MRTFB: variants seen among roughly 807,000 people sequenced by gnomAD.
The protein encoded by MRTFB is myocardin related transcription factor B, also known as myocardin-related transcription factor B.
In MRTFB, 29 loss-of-function variants were observed where a neutral mutation model predicts 104.2. That is an observed-to-expected ratio of 0.28 (90% confidence interval 0.21 to 0.38). The LOEUF is 0.38. Among genes scored for constraint, MRTFB ranks in the 10% least tolerant of loss-of-function variants. MRTFB has a pLI of 1.00. For missense variants in MRTFB, 1,270 were observed against 1,341.6 expected (o/e 0.95, Z 0.83); for synonymous variants, 535 against 519.5 (o/e 1.03, Z -0.41).
chr16:14,042,429 G>A, the MRTFB span, among the ~76,000 whole-genome samples: 1 of 152,242 alleles, frequency 6.6e-6, no homozygotes, highest in East Asian at 1.9e-4. Context: ...TGGCCACTGG[G>A]TTTGTTTTCT....
intron 8 of MRTFB, among the ~76,000 whole-genome samples, chr16:14,230,741 T>C (rs1274527956): frequency 6.6e-6 from 1 of 152,290 alleles, no homozygotes; most frequent in East Asian, 1.9e-4. Flanking sequence ...CTCAGGGATC[T>C]AGAACTAGAA....
intron 2 of MRTFB, among the ~76,000 whole-genome samples, chr16:14,103,305 G>A (rs2054188629): frequency 6.6e-6 from 1 of 152,132 alleles, no homozygotes. Flanking sequence ...AAATTTTATT[G>A]AATAGGAAGC....
rs186255402 is a variant in MRTFB at position 14,260,575 on chromosome 16, C to T, written c.2765-334C>T. ...ATAATCTAAAACCATTGATACCTATCTAGTGAGATATAACTGCTTTTAATG... is the reference window on the plus strand; with the variant it reads ...ATAATCTAAAACCATTGATACCTATTTAGTGAGATATAACTGCTTTTAATG... On this transcript the variant is annotated intron_variant, in intron 16 of 16. Coordinates refer to ENST00000571589, the MANE Select transcript of MRTFB (RefSeq NM_001308142.2). Among the ~76,000 whole-genome samples the T allele has an allele frequency of 1.2e-3, 180 of 152,238 alleles. 2 individuals carry two copies. The highest frequency in any genetic ancestry group is 4.2e-3 in the African/African-American group (173 of 41,552).
At chr16:14,131,174 A>G (rs1368987978) in intron 2 of MRTFB, among the ~76,000 whole-genome samples, 1 of 152,182 alleles carries the variant, frequency 6.6e-6, no homozygotes, top group Non-Finnish European at 1.5e-5. Flanking sequence ...CCAAAACATG[A>G]ACTCTGAACT....
chr16:14,232,534 A>C (rs2042311828), intron 8 of MRTFB, among the ~76,000 whole-genome samples: 1 of 152,170 alleles, frequency 6.6e-6, no homozygotes, highest in South Asian at 2.1e-4. Flanking sequence ...TTAAAAATGA[A>C]ATTGAATGCA....
At chr16:14,017,687 G>GTATATATATATATATATATATATATA in the MRTFB span, among the ~76,000 whole-genome samples, 1 of 6,808 alleles carries the variant, frequency 1.5e-4, no homozygotes, top group Non-Finnish European at 4.8e-4. Flanking sequence ...GTGTGTGTGT[G>GTATATATATATATATATATATATATA]TATATATATA....
the MRTFB span, among the ~76,000 whole-genome samples, chr16:14,046,732 C>G: frequency 6.6e-6 from 1 of 152,264 alleles, no homozygotes; most frequent in African/African-American, 2.4e-5. Flanking sequence ...CAAGTAAATA[C>G]AGCTTTGATT....
chr16:14,089,358 T>G (rs773515440), intron 2 of MRTFB, among the ~76,000 whole-genome samples: 8 of 152,222 alleles, frequency 5.3e-5, no homozygotes, highest in Non-Finnish European at 1.0e-4. Flanking sequence ...TTCTATCTCT[T>G]TGGATTTACC....
chr16:14,207,011 TC>T (rs2151147870), intron 3 of MRTFB, among the ~76,000 whole-genome samples: 1 of 152,246 alleles, frequency 6.6e-6, no homozygotes, highest in Non-Finnish European at 1.5e-5. Context: ...CCATTCATGT[TC>T]TTCCTAACGT....
chr16:14,247,386 C>G lies in MRTFB; in HGVS notation c.2126C>G (p.Ala709Gly). 6.2e-7 allele frequency: 1 copy of G among 1,613,890 alleles called. No homozygotes were observed. Reference sequence around the variant, plus strand: ...AGTTCCCAGGGACAGCCACCGCCTGCTGTTGTTGCTCAGCCCCAGGCTTTA... The same window carrying G: ...AGTTCCCAGGGACAGCCACCGCCTGGTGTTGTTGCTCAGCCCCAGGCTTTA... ...YVSSQGQPPP[A>G]VVAQPQALLT... Residue 709 changes from alanine (A) to glycine (G), a missense_variant, in exon 12 of 17, where the codon GCT becomes GGT. Transcript: ENST00000571589.
In MRTFB at chr16:14,227,484, CTT is replaced by C. The variant is rs1355066691; in HGVS notation, c.694-6659_694-6658del. 3.3e-5 allele frequency among the ~76,000 whole-genome samples: 5 copies of C among 152,080 alleles called. 1 individual carries two copies. The highest frequency in any genetic ancestry group is 2.6e-4 in the Admixed American group (4 of 15,250). On this transcript the variant is annotated intron_variant, in intron 8 of 16. Coordinates refer to ENST00000571589, the MANE Select transcript of MRTFB (RefSeq NM_001308142.2). The stretch of plus-strand genomic sequence containing the variant: ...GCAGAATCGTGAGCCAAATAAACCT[CTT>C]TTATAAATTATCCAGCCTCAATTTT...
At chr16:14,056,225 C>A in the MRTFB span, among the ~76,000 whole-genome samples, 3 of 152,134 alleles carry the variant, frequency 2.0e-5, no homozygotes, top group Admixed American at 6.6e-5. Context: ...GGGATCCCCC[C>A]ACCTCGGCTT....
chr16:14,246,817 C>G lies in MRTFB; in HGVS notation c.1557C>G (p.Asp519Glu). 1 of 1,613,192 alleles carries G rather than the reference C, an allele frequency of 6.2e-7. No homozygotes were observed. Among genetic ancestry groups the G allele is most frequent in the Non-Finnish European group, 8.5e-7 (1 of 1,180,044 alleles). The change falls in exon 12 of 17, where the codon GAC (aspartate) becomes GAG (glutamate). Residue 519 changes from aspartate (D) to glutamate (E), a missense_variant. Physicochemically the swap from Asp to Glu is conservative, Grantham distance 45. Coordinates refer to ENST00000571589, the MANE Select transcript of MRTFB (RefSeq NM_001308142.2). ...AACAGTCCAGTCTCAGTACTGATGA[C>G]ACAAACATGGCAGACACTTTCACCG... ...PSEQSSLSTD[D>E]TNMADTFTEI...
intron 3 of MRTFB, among the ~76,000 whole-genome samples, chr16:14,167,845 G>T (rs147155446): frequency 1.3e-5 from 2 of 152,082 alleles, no homozygotes; most frequent in Admixed American, 1.3e-4. Context: ...CGCCCGCCGC[G>T]CCCGGCTAAT....
In MRTFB at chr16:14,264,396, G is replaced by C. The variant is rs987920589; in HGVS notation, c.*2952G>C. 6.6e-6 allele frequency: 1 copy of C among 152,160 alleles called. No individual in the cohort carries two copies. Among genetic ancestry groups the C allele is most frequent in the Non-Finnish European group, 1.5e-5 (1 of 68,036 alleles). 9.4% of individuals were successfully genotyped at this position (152,160 alleles called of 1,614,324 possible). A position where few individuals can be genotyped will look rare whatever the true frequency, so the allele number is the denominator to read the frequency against. ...TTCTGTAAAGTCTTTGAAAGTCTAGGAGTAGGTGGTCATCTTGTACATTTC... is the reference window on the plus strand; with the variant it reads ...TTCTGTAAAGTCTTTGAAAGTCTAGCAGTAGGTGGTCATCTTGTACATTTC... On this transcript the variant is annotated 3_prime_UTR_variant, in exon 17 of 17. Transcript: ENST00000571589.
intron 2 of MRTFB, among the ~76,000 whole-genome samples, chr16:14,086,558 C>T (rs2034714445): frequency 6.6e-6 from 1 of 152,070 alleles, no homozygotes; most frequent in African/African-American, 2.4e-5. Flanking sequence ...TTTTTTTAGA[C>T]TTTAAAACTC....
At chr16:14,060,918 G>A in the MRTFB span, among the ~76,000 whole-genome samples, 1 of 152,254 alleles carries the variant, frequency 6.6e-6, no homozygotes, top group Middle Eastern at 3.4e-3. Flanking sequence ...AGGCCAAGGT[G>A]GGCAGATCAG....
At chr16:14,029,353 C>A in the MRTFB span, among the ~76,000 whole-genome samples, 2 of 142,476 alleles carry the variant, frequency 1.4e-5, no homozygotes, top group African/African-American at 5.3e-5. Context: ...TTGTAGTGAG[C>A]CAAGATCGAG....
At chr16:14,169,607 T>C (rs2039358396) in intron 3 of MRTFB, among the ~76,000 whole-genome samples, 1 of 152,216 alleles carries the variant, frequency 6.6e-6, no homozygotes, top group South Asian at 2.1e-4. Context: ...GCAAAAACTT[T>C]AGTTTTAAAT....
Sources: allele counts gnomAD v4.1 joint callset (sites outside exome capture counted in the v4.1 genomes callset), GRCh38; gene constraint gnomAD v4.1.1; transcripts MANE v1.5; gene names NCBI Gene and HGNC (gene_info 2026-07-23, HGNC 2026-07-21).